ATAD3A: variants seen among roughly 807,000 people sequenced by gnomAD.
ATAD3A encodes the protein ATPase family AAA domain-containing protein 3A.
Under a neutral mutation model 73.8 loss-of-function variants are expected in ATAD3A, and 46 were observed. The ratio of observed to expected loss-of-function variants is 0.62; its 90% CI spans 0.49 to 0.80. The LOEUF (loss-of-function observed/expected upper bound fraction) is 0.80. Among genes scored for constraint, ATAD3A ranks in the 30% least tolerant of loss-of-function variants. ATAD3A has a pLI of 0.00. For missense variants in ATAD3A, 705 were observed against 838.0 expected (o/e 0.84, Z 1.96); for synonymous variants, 319 against 350.0 (o/e 0.91, Z 0.99).
Position 1,517,773 on chromosome 1 carries a change from C to G in ATAD3A, c.442C>G (p.Gln148Glu). 2 of 1,321,908 alleles carry G rather than the reference C, an allele frequency of 1.5e-6. No homozygotes were observed. The highest frequency in any genetic ancestry group is 2.5e-5 in the South Asian group (2 of 79,766). 81.9% of individuals were successfully genotyped at this position (1,321,908 alleles called of 1,614,324 possible). The change falls in exon 4 of 16, where the codon CAG (glutamine) becomes GAG (glutamate). Residue 148 changes from glutamine (Q) to glutamate (E), a missense_variant and splice_region_variant. Physicochemically the swap from Gln to Glu is conservative, Grantham distance 29. Coordinates refer to ENST00000378756, the MANE Select transcript of ATAD3A (RefSeq NM_001170535.3). ...GCGCTACGAGGACCAACTGAAGCAG[C>G]AGGTGAGCTCAGCCTCCCCTGCGAG... ...RQRYEDQLKQ[Q>E]QLLNEENLRK...
chr1:1,515,591 C>T lies in ATAD3A; in HGVS notation c.206-421C>T, dbSNP rs1208836346. Among the ~76,000 whole-genome samples, 3 of 152,204 alleles carry T rather than the reference C, an allele frequency of 2.0e-5. No homozygotes were observed. The East Asian group carries it at 5.8e-4, about 29-fold the overall frequency. ...CACCCTGAGCTTGTTGGCTGGTATC[C>T]TATTCTTATTCATTCCCTTTCTTGC... On this transcript the variant is annotated intron_variant, in intron 1 of 15. Coordinates refer to ENST00000378756, the MANE Select transcript of ATAD3A (RefSeq NM_001170535.3).
chr1:1,519,940 T>C (rs907193153), intron 5 of ATAD3A, among the ~76,000 whole-genome samples: 2 of 152,224 alleles, frequency 1.3e-5, no homozygotes, highest in African/African-American at 4.8e-5. Context: ...GGCCTGTCTG[T>C]GGCGTGGGCC....
intron 5 of ATAD3A, among the ~76,000 whole-genome samples, chr1:1,519,885 T>C (rs1641518768): frequency 6.6e-6 from 1 of 152,248 alleles, no homozygotes; most frequent in Admixed American, 6.5e-5. Flanking sequence ...TCTGTGTGTG[T>C]CTGTGGCATG....
rs1204743820 is a variant in ATAD3A at position 1,517,342 on chromosome 1, G to A, written c.314G>A (p.Ser105Asn). The A allele has an allele frequency of 4.5e-5, 69 of 1,543,530 alleles. 1 individual carries two copies. Among genetic ancestry groups the A allele is most frequent in the Non-Finnish European group, 5.9e-5 (68 of 1,146,098 alleles). The change falls in exon 3 of 16, where the codon AGC becomes AAC. Residue 105 changes from serine to asparagine, a missense_variant. Ser to Asn is a conservative substitution (Grantham distance 46). Coordinates refer to ENST00000378756, the MANE Select transcript of ATAD3A (RefSeq NM_001170535.3). ...GAGGCCGCCGTGGAGCAGCTCAAGA[G>A]CGAGCAGATCCGGGCGCAGGCTGAG... Reference protein sequence around the residue: ...EYEAAVEQLKSEQIRAQAEER... With the variant: ...EYEAAVEQLKNEQIRAQAEER...
intron 14 of ATAD3A, among the ~76,000 whole-genome samples, chr1:1,528,354 G>A (rs1641920846): frequency 1.3e-5 from 2 of 152,254 alleles, no homozygotes; most frequent in African/African-American, 2.4e-5. Context: ...AGGTGATACG[G>A]AGTGTTGCTC....
chr1:1,518,223 T>C (rs1641435613), intron 4 of ATAD3A, among the ~76,000 whole-genome samples: 1 of 141,734 alleles, frequency 7.1e-6, no homozygotes, highest in African/African-American at 2.7e-5. Context: ...TACAGACAGG[T>C]ACGCACATAC....
chr1:1,523,738 C>A lies in ATAD3A; in HGVS notation c.964-101C>A. On this transcript the variant is annotated intron_variant, in intron 9 of 15. Coordinates refer to ENST00000378756, the MANE Select transcript of ATAD3A (RefSeq NM_001170535.3). This position sits in a 1 kb window ranked among gnomAD's most constrained non-coding sequence, Gnocchi z 5.1. ...AGGCTGCCCCTGAGGTGGGAGGCTTCCCGAGGAGCCGAGTCTGCACCCAGG... is the reference window on the plus strand; with the variant it reads ...AGGCTGCCCCTGAGGTGGGAGGCTTACCGAGGAGCCGAGTCTGCACCCAGG... 6.3e-7 allele frequency: 1 copy of A among 1,592,064 alleles called. No homozygotes were observed. The highest frequency in any genetic ancestry group is 8.6e-7 in the Non-Finnish European group (1 of 1,167,864).
chr1:1,525,103 G>C (rs1233549958), intron 11 of ATAD3A, 137 bp from the exon 12 acceptor site: 1 of 1,223,294 alleles, frequency 8.2e-7, no homozygotes, highest in Non-Finnish European at 1.2e-6. Flanking sequence ...TCGAGTCCAG[G>C]ACTTAGGGCT....
rs1430614927 is a variant in ATAD3A, at chr1:1,523,379, C to G, written c.907-132C>G. On this transcript the variant is annotated intron_variant, in intron 8 of 15. Transcript: ENST00000378756. The surrounding 1 kb of genome is among the most constrained non-coding windows in gnomAD (Gnocchi z 5.1). ...GTCTCCGGGCGGGGCAGGGTTCCAG[C>G]TCCGGGCCGGTCCTGGCTGTGCTTT... 2 of 1,441,330 alleles carry G rather than the reference C, an allele frequency of 1.4e-6. No individual in the cohort carries two copies. Among genetic ancestry groups the G allele is most frequent in the Non-Finnish European group, 1.9e-6 (2 of 1,060,398 alleles). 89.3% of individuals were successfully genotyped at this position (1,441,330 alleles called of 1,614,324 possible). A position where few individuals can be genotyped will look rare whatever the true frequency, so the allele number is the denominator to read the frequency against.
intron 15 of ATAD3A, 139 bp downstream of exon 15, chr1:1,529,470 GGCCC>G: frequency 6.9e-7 from 1 of 1,454,688 alleles, no homozygotes; most frequent in East Asian, 2.5e-5. Context: ...GGTGACACAG[GGCCC>G]CCTGCCCCAG....
At position 1,517,187 on chromosome 1, in the gene ATAD3A, C is replaced by T. The variant is rs867770365; in HGVS notation, c.283-124C>T. The T allele has an allele frequency of 1.2e-5, 19 of 1,547,058 alleles. 2 individuals are homozygous for T. The Middle Eastern group carries it at 5.1e-4, about 41-fold the overall frequency. On this transcript the variant is annotated intron_variant, in intron 2 of 15. Transcript: ENST00000378756. The stretch of plus-strand genomic sequence containing the variant: ...TGCAGATGCGGCTGGAAGCCCTGAG[C>T]CTGCTGCACACACTAGTCTGGGCAT...
At chr1:1,533,665 C>T (rs954447434) in intron 15 of ATAD3A, among the ~76,000 whole-genome samples, 2 of 152,104 alleles carry the variant, frequency 1.3e-5, no homozygotes, top group Admixed American at 6.5e-5. Flanking sequence ...GTCAGTGAGG[C>T]TCCGCCTTGG....
intron 7 of ATAD3A, among the ~76,000 whole-genome samples, chr1:1,521,656 G>A (rs564934287): frequency 6.6e-6 from 1 of 152,372 alleles, no homozygotes; most frequent in South Asian, 2.1e-4. Context: ...TGGTGAGACC[G>A]TGTCACGTGA....
chr1:1,524,775 A>C (rs1273173379), intron 11 of ATAD3A, among the ~76,000 whole-genome samples: 1 of 146,726 alleles, frequency 6.8e-6, no homozygotes, highest in Non-Finnish European at 1.5e-5. Flanking sequence ...AGTTAGCTGA[A>C]GACAGCATGG....
In ATAD3A at chr1:1,519,943, C is replaced by T. The variant is rs2767473; in HGVS notation, c.515-198C>T. Among the ~76,000 whole-genome samples, 513 of 152,334 alleles carry T rather than the reference C, an allele frequency of 3.4e-3. 5 individuals are homozygous for T. Among genetic ancestry groups the T allele is most frequent in the African/African-American group, 0.012 (494 of 41,588 alleles). On this transcript the variant is annotated intron_variant, in intron 5 of 15. Coordinates refer to ENST00000378756, the MANE Select transcript of ATAD3A (RefSeq NM_001170535.3). ...ATTGGCGGCGTGGGCCTGTCTGTGGCGTGGGCCTGTCCGTGGCCTTAGCCT... is the reference window on the plus strand; with the variant it reads ...ATTGGCGGCGTGGGCCTGTCTGTGGTGTGGGCCTGTCCGTGGCCTTAGCCT...
Position 1,512,203 on chromosome 1 carries a change from C to A in ATAD3A, c.-66C>A. On this transcript the variant is annotated 5_prime_UTR_variant, in exon 1 of 16. Transcript: ENST00000378756. ...GGCTCGCGGCGCGTGGAGGCTGCTC[C>A]CAGCCGCGCGCGAGTCAGACTCGGG... The A allele has an allele frequency of 8.1e-7, 1 of 1,235,278 alleles. No individual in the cohort carries two copies. The highest frequency in any genetic ancestry group is 1.0e-6 in the Non-Finnish European group (1 of 985,932). The allele number at this position is 1,235,278 out of a possible 1,614,324, so 76.5% of individuals were successfully genotyped here.
At position 1,522,895 on chromosome 1, in the gene ATAD3A, T is replaced by A. The variant is rs760460733; in HGVS notation, c.902T>A (p.Ile301Asn). The A allele has an allele frequency of 6.2e-7, 1 of 1,607,688 alleles. No individual in the cohort carries two copies. The highest frequency in any genetic ancestry group is 8.5e-7 in the Non-Finnish European group (1 of 1,179,580). ...ITVLEALRHP[I>N]QVSRRLLSRP... ...GTGCTTGAGGCGCTGCGGCACCCCA[T>A]CCAGGTAGCAGCGCAGGCCTGGCCC... is the stretch of plus-strand genomic sequence containing the variant. Residue 301 changes from isoleucine (I) to asparagine (N), a missense_variant, in exon 8 of 16, where the codon ATC (isoleucine) becomes AAC (asparagine). Ile to Asn is a moderately radical substitution (Grantham distance 149, BLOSUM62 -3). Around this residue, in one of 5 missense-constraint regions of ATAD3A, gnomAD observed 315 missense variants for 334.1 expected, o/e 0.94. Transcript: ENST00000378756.
rs1284379251 is a variant in ATAD3A, at chr1:1,512,445, C to G, written c.177C>G (p.Ala59=). ...ACCCCACCGGCCTGGAGCGCGCCGC[C>G]AAGGCGGCGCGCGAGCTGGAGCACT... The part of the protein sequence containing the change: ...NFDPTGLERA[A]KAARELEHSR... The change falls in exon 1 of 16, where the codon GCC becomes GCG. Residue 59 remains alanine, a synonymous_variant. Transcript: ENST00000378756. 1 of 1,210,448 alleles carries G rather than the reference C, an allele frequency of 8.3e-7. No individual in the cohort carries two copies. Among genetic ancestry groups the G allele is most frequent in the Non-Finnish European group, 1.0e-6 (1 of 970,782 alleles). The allele number at this position is 1,210,448 out of a possible 1,614,324, so 75.0% of individuals were successfully genotyped here.
At chr1:1,522,663 TG>T (rs1486867470) in intron 7 of ATAD3A, 80 bp from the exon 8 acceptor site, 1 of 1,581,346 alleles carries the variant, frequency 6.3e-7, no homozygotes, top group Admixed American at 1.7e-5. Context: ...GGAGAGAGGG[TG>T]GGGGCAGCCC....
Sources: allele counts gnomAD v4.1 joint callset (sites outside exome capture counted in the v4.1 genomes callset), GRCh38; gene constraint gnomAD v4.1.1; regional missense constraint gnomAD v4.1.1; non-coding constraint Gnocchi (gnomAD v3.1); transcripts MANE v1.5; gene names NCBI Gene and HGNC (gene_info 2026-07-23, HGNC 2026-07-21).